The following MTX2 variants were observed in gnomAD, a reference collection of about 807,000 sequenced individuals.
MTX2 encodes metaxin-2.
MTX2 carries 35 observed loss-of-function variants against 42.3 expected under a neutral mutation model. The ratio of observed to expected loss-of-function variants is 0.83; its 90% CI spans 0.63 to 1.10. MTX2 has a LOEUF of 1.10. Ranked by LOEUF, MTX2 falls within the 50% of genes least tolerant of loss-of-function variation. The pLI is 0.00. For missense variants in MTX2, 307 were observed against 304.1 expected (o/e 1.01, Z -0.07); for synonymous variants, 119 against 100.9 (o/e 1.18, Z -1.08).
At chr2:176,330,221 G>A (rs1476500781) in intron 8 of MTX2, among the ~76,000 whole-genome samples, 2 of 150,848 alleles carry the variant, frequency 1.3e-5, no homozygotes, top group Non-Finnish European at 3.0e-5. Flanking sequence ...TTGAATATAT[G>A]GATTCAGGAA....
chr2:176,333,218 A>G (rs1397684290), intron 9 of MTX2, among the ~76,000 whole-genome samples: 2 of 151,550 alleles, frequency 1.3e-5, no homozygotes, highest in African/African-American at 2.4e-5. Context: ...GGGAATTGCT[A>G]TCTATATTTG....
chr2:176,291,116 A>G (rs1693319345), intron 1 of MTX2, among the ~76,000 whole-genome samples: 1 of 152,212 alleles, frequency 6.6e-6, no homozygotes, highest in South Asian at 2.1e-4. Flanking sequence ...GAGCCGATAT[A>G]TCATGCACAT....
chr2:176,333,204 G>A (rs1334651164), intron 9 of MTX2, among the ~76,000 whole-genome samples: 1 of 151,464 alleles, frequency 6.6e-6, no homozygotes, highest in Non-Finnish European at 1.5e-5. Context: ...AGAGCTCATA[G>A]GAGGGGAATT....
intron 3 of MTX2, among the ~76,000 whole-genome samples, chr2:176,318,334 A>G (rs1684495582): frequency 6.6e-6 from 1 of 152,156 alleles, no homozygotes; most frequent in Admixed American, 6.5e-5. Flanking sequence ...TATGAATTCA[A>G]TTAATGTATT....
In MTX2 at chr2:176,320,695, C is replaced by CTT. The variant is rs34174289; in HGVS notation, c.136-2681_136-2680dup. 5.3e-3 allele frequency among the ~76,000 whole-genome samples: 698 copies of CTT among 131,874 alleles called. 2 individuals are homozygous for CTT. The highest frequency in any genetic ancestry group is 0.018 in the African/African-American group (653 of 36,084). The allele number at this position is 131,874 out of a possible 152,430, so 86.5% of individuals were successfully genotyped here. A position where few individuals can be genotyped will look rare whatever the true frequency, so the allele number is the denominator to read the frequency against. On this transcript the variant is annotated intron_variant, in intron 3 of 9. Transcript: ENST00000249442. ...CTTACTTCCTCCCTTTTTACTTATT[C>CTT]TTTTTTTTTTTTTTTTTGAGACAGG...
chr2:176,306,612 T>A (rs930847168), intron 3 of MTX2, among the ~76,000 whole-genome samples: 2 of 152,242 alleles, frequency 1.3e-5, no homozygotes, highest in African/African-American at 2.4e-5. Flanking sequence ...CTAACTGGCA[T>A]GAGATGATAT....
At chr2:176,305,357 A>T (rs928968154) in intron 3 of MTX2, among the ~76,000 whole-genome samples, 1 of 151,984 alleles carries the variant, frequency 6.6e-6, no homozygotes, top group East Asian at 1.9e-4. Flanking sequence ...TCAGAAAAAG[A>T]ATATATATAT....
intron 3 of MTX2, among the ~76,000 whole-genome samples, chr2:176,317,183 T>C (rs562275109): frequency 6.6e-6 from 1 of 152,160 alleles, no homozygotes; most frequent in East Asian, 1.9e-4. Flanking sequence ...CTGCCTGTTA[T>C]GTACCAGGCG....
At chr2:176,335,732 A>G (rs1286109858) in intron 9 of MTX2, among the ~76,000 whole-genome samples, 1 of 151,840 alleles carries the variant, frequency 6.6e-6, no homozygotes, top group African/African-American at 2.4e-5. Context: ...TTATTTTGGG[A>G]AGTTTGGGGG....
chr2:176,274,737 C>T (rs1422012731), intron 1 of MTX2, among the ~76,000 whole-genome samples: 1 of 152,112 alleles, frequency 6.6e-6, no homozygotes, highest in Non-Finnish European at 1.5e-5. Context: ...GGACTTAGAC[C>T]CTTTTTTAAA....
At chr2:176,319,997 T>C (rs979012504) in intron 3 of MTX2, among the ~76,000 whole-genome samples, 1 of 152,110 alleles carries the variant, frequency 6.6e-6, no homozygotes, top group Non-Finnish European at 1.5e-5. Context: ...ATTTTTAAAG[T>C]TTGGATGAAA....
At chr2:176,288,335 A>G (rs1002691163) in intron 1 of MTX2, among the ~76,000 whole-genome samples, 7 of 152,046 alleles carry the variant, frequency 4.6e-5, no homozygotes, top group Non-Finnish European at 7.4e-5. Flanking sequence ...TATGGTGTCT[A>G]TGTTATCACT....
chr2:176,292,147 T>C (rs929296421), intron 1 of MTX2, among the ~76,000 whole-genome samples: 12 of 152,158 alleles, frequency 7.9e-5, no homozygotes, highest in Non-Finnish European at 1.6e-4. Flanking sequence ...TTTTAGAAAC[T>C]TTCAGTCTCA....
At chr2:176,303,431 T>C (rs1684073375) in intron 3 of MTX2, among the ~76,000 whole-genome samples, 1 of 152,080 alleles carries the variant, frequency 6.6e-6, no homozygotes, top group Non-Finnish European at 1.5e-5. Context: ...AAAGTCCTTT[T>C]CAGTATTCCA....
chr2:176,328,248 A>G (rs1684762985), intron 5 of MTX2, 45 bp from the exon 6 acceptor site: 8 of 1,273,054 alleles, frequency 6.3e-6, no homozygotes, highest in East Asian at 2.5e-5. Flanking sequence ...AAGTTTTTGT[A>G]TATTTAATAT....
In MTX2 at chr2:176,269,594, G is replaced by C. The variant is rs766724639; in HGVS notation, c.-36G>C. The C allele has an allele frequency of 5.7e-6, 9 of 1,565,898 alleles. No homozygotes were observed. The highest frequency in any genetic ancestry group is 5.6e-5 in the Admixed American group (3 of 54,002). On this transcript the variant is annotated 5_prime_UTR_variant, in exon 1 of 10. Transcript: ENST00000249442. Reference sequence around the variant, plus strand: ...CGGTGGAGGACGCTGAGGCCCGTGGGGGGCAGGCACCCGGGCGCCGGGCCT... The same window carrying C: ...CGGTGGAGGACGCTGAGGCCCGTGGCGGGCAGGCACCCGGGCGCCGGGCCT...
intron 1 of MTX2, among the ~76,000 whole-genome samples, chr2:176,272,082 C>G (rs1030256969): frequency 2.0e-5 from 3 of 152,124 alleles, no homozygotes; most frequent in Admixed American, 1.3e-4. Flanking sequence ...GAAGGAAACC[C>G]TATCATTTGT....
rs1693147908 is a variant in MTX2, at chr2:176,284,330, A to G, written c.41-12530A>G. Among the ~76,000 whole-genome samples the G allele has an allele frequency of 2.6e-5, 4 of 152,268 alleles. No homozygotes were observed. The South Asian group carries it at 8.3e-4, about 32-fold the overall frequency. The stretch of plus-strand genomic sequence containing the variant: ...ATACATACTTATTAAGGAAGAATGG[A>G]AAGTTTTAAATTTGACTTATATTTA... On this transcript the variant is annotated intron_variant, in intron 1 of 9. Transcript: ENST00000249442.
chr2:176,320,498 A>G (rs917761424), intron 3 of MTX2, among the ~76,000 whole-genome samples: 1 of 152,086 alleles, frequency 6.6e-6, no homozygotes, highest in Non-Finnish European at 1.5e-5. Context: ...ATCCCTTCTT[A>G]GTTTTTCATT....
Sources: gnomAD v4.1 joint callset for allele counts (sites outside exome capture counted in the v4.1 genomes callset) on GRCh38, gnomAD v4.1.1 for gene constraint, MANE v1.5 for transcripts, NCBI Gene and HGNC (gene_info 2026-07-23, HGNC 2026-07-21) for gene names.